The following PPM1L variants were observed in gnomAD, a reference collection of about 807,000 sequenced individuals.
PPM1L encodes the protein protein phosphatase 1L.
A neutral mutation model predicts 31.4 loss-of-function variants in PPM1L; 13 were observed. That is an observed-to-expected ratio of 0.41 (90% confidence interval 0.27 to 0.66). The LOEUF (loss-of-function observed/expected upper bound fraction) is 0.66, where lower values mean the gene tolerates loss of function less well. Among genes scored for constraint, PPM1L ranks in the 30% least tolerant of loss-of-function variants. PPM1L has a pLI of 0.29. For missense variants in PPM1L, 326 were observed against 453.7 expected, an observed-to-expected ratio of 0.72 and a Z score of 2.56; for synonymous variants, 184 against 175.4, an observed-to-expected ratio of 1.05 and a Z score of -0.39.
chr3:160,905,564 G>A (rs191484765), intron 1 of PPM1L, among the ~76,000 whole-genome samples: 1 of 152,086 alleles, frequency 6.6e-6, no homozygotes, highest in South Asian at 2.1e-4. Flanking sequence ...CTTGTAATCA[G>A]AATCATAATC....
At chr3:160,984,091 G>C (rs1466786144) in intron 2 of PPM1L, among the ~76,000 whole-genome samples, 1 of 152,176 alleles carries the variant, frequency 6.6e-6, no homozygotes, top group African/African-American at 2.4e-5. Context: ...GCAGAGAACT[G>C]GTCTGACTAG....
intron 1 of PPM1L, among the ~76,000 whole-genome samples, chr3:160,758,172 T>G (rs900300824): frequency 6.6e-6 from 1 of 152,220 alleles, no homozygotes; most frequent in African/African-American, 2.4e-5. Flanking sequence ...TCTTGGGTAG[T>G]GTCGGGGTCC....
intron 1 of PPM1L, among the ~76,000 whole-genome samples, chr3:160,786,513 T>A (rs1294414472): frequency 6.6e-6 from 1 of 151,496 alleles, no homozygotes; most frequent in East Asian, 1.9e-4. Context: ...CCACTGCGCC[T>A]GGCCTAATTT....
At chr3:160,978,496 T>C (rs1414832542) in intron 2 of PPM1L, among the ~76,000 whole-genome samples, 1 of 152,158 alleles carries the variant, frequency 6.6e-6, no homozygotes, top group Non-Finnish European at 1.5e-5. Flanking sequence ...CAAATGCATG[T>C]GAGCCCATCT....
intron 1 of PPM1L, among the ~76,000 whole-genome samples, chr3:160,935,370 C>T (rs949939371): frequency 2.0e-5 from 3 of 152,134 alleles, no homozygotes; most frequent in Non-Finnish European, 4.4e-5. Context: ...GTCAGGGTAA[C>T]CTTTCTGGAG....
chr3:160,875,610 G>A (rs551022708), intron 1 of PPM1L, among the ~76,000 whole-genome samples: 2 of 152,356 alleles, frequency 1.3e-5, no homozygotes, highest in East Asian at 3.9e-4. Flanking sequence ...AGAAGTTATT[G>A]AGGATTTACT....
chr3:161,004,138 A>C (rs1251998735), intron 2 of PPM1L, among the ~76,000 whole-genome samples: 33 of 145,620 alleles, frequency 2.3e-4, no homozygotes, highest in Non-Finnish European at 3.3e-4. Context: ...ATGCTGGATT[A>C]CATTTATTGA....
At chr3:160,915,005 C>T (rs1714115521) in intron 1 of PPM1L, among the ~76,000 whole-genome samples, 1 of 152,108 alleles carries the variant, frequency 6.6e-6, no homozygotes, top group Non-Finnish European at 1.5e-5. Context: ...GATGGTATCT[C>T]TTTATGGTTT....
intron 1 of PPM1L, chr3:160,842,082 C>T: frequency 5.5e-6 from 3 of 541,984 alleles, no homozygotes; most frequent in East Asian, 2.9e-5. Flanking sequence ...ATGATGAGCC[C>T]CAGATGAGTG....
intron 2 of PPM1L, among the ~76,000 whole-genome samples, chr3:161,018,322 A>G (rs994561165): frequency 2.0e-5 from 3 of 152,234 alleles, no homozygotes; most frequent in Admixed American, 6.5e-5. Flanking sequence ...GGCCCTAAAT[A>G]AGAATATTTC....
intron 1 of PPM1L, among the ~76,000 whole-genome samples, chr3:160,805,532 G>A (rs918526505): frequency 6.6e-6 from 1 of 152,112 alleles, no homozygotes; most frequent in African/African-American, 2.4e-5. Flanking sequence ...GACCAGCTTG[G>A]TCAATATGGT....
At chr3:160,769,964 T>A (rs1344256266) in intron 1 of PPM1L, among the ~76,000 whole-genome samples, 4 of 152,136 alleles carry the variant, frequency 2.6e-5, no homozygotes, top group Admixed American at 2.0e-4. Flanking sequence ...TGAGTGTACT[T>A]GGAGTAAATT....
chr3:161,032,841 C>G (rs185080515), intron 2 of PPM1L, among the ~76,000 whole-genome samples: 2 of 149,732 alleles, frequency 1.3e-5, no homozygotes, highest in Non-Finnish European at 3.0e-5. Context: ...TACAGATGTG[C>G]ATCACCACGC....
At chr3:160,850,597 A>C (rs995983097) in intron 1 of PPM1L, among the ~76,000 whole-genome samples, 1 of 152,152 alleles carries the variant, frequency 6.6e-6, no homozygotes, top group Non-Finnish European at 1.5e-5. Flanking sequence ...TCCTGAGGCT[A>C]TCCAGGAGCC....
chr3:161,050,546 AAATG>A (rs1198150680), intron 2 of PPM1L, among the ~76,000 whole-genome samples: 3 of 152,186 alleles, frequency 2.0e-5, no homozygotes, highest in African/African-American at 4.8e-5. Context: ...TCAAGTATTT[AAATG>A]AATGAAATTG....
chr3:160,841,801 G>A (rs1713889136), intron 1 of PPM1L, among the ~76,000 whole-genome samples: 1 of 152,160 alleles, frequency 6.6e-6, no homozygotes, highest in Admixed American at 6.5e-5. Context: ...AGAGACTAAA[G>A]ATACTTTTGT....
chr3:160,949,685 T>C (rs546120257), intron 1 of PPM1L, among the ~76,000 whole-genome samples: 84 of 152,272 alleles, frequency 5.5e-4, no homozygotes, highest in Non-Finnish European at 9.9e-4. Flanking sequence ...GAGACCCACA[T>C]AGATGAAAAA....
intron 1 of PPM1L, among the ~76,000 whole-genome samples, chr3:160,828,520 T>G (rs900492757): frequency 1.3e-5 from 2 of 152,056 alleles, no homozygotes; most frequent in East Asian, 1.9e-4. Context: ...AACAGAGAGA[T>G]AGACAATAAG....
intron 1 of PPM1L, among the ~76,000 whole-genome samples, chr3:160,814,590 CAT>C (rs1380734815): frequency 7.7e-5 from 9 of 116,524 alleles, no homozygotes; most frequent in African/African-American, 2.0e-4. Flanking sequence ...TATACACACA[CAT>C]ATGTATGTAT....
Sources: gnomAD v4.1 joint callset for allele counts (sites outside exome capture counted in the v4.1 genomes callset) on GRCh38, gnomAD v4.1.1 for gene constraint, MANE v1.5 for transcripts, NCBI Gene and HGNC (gene_info 2026-07-23, HGNC 2026-07-21) for gene names.